The following SCHIP1 variants were observed in gnomAD, a reference collection of about 807,000 sequenced individuals.
The protein encoded by SCHIP1 is schwannomin interacting protein 1, also known as schwannomin-interacting protein 1.
SCHIP1 carries 8 observed loss-of-function variants against 29.7 expected under a neutral mutation model. That is an observed-to-expected ratio of 0.27 (90% CI 0.16 to 0.49). The LOEUF (loss-of-function observed/expected upper bound fraction) is 0.49. SCHIP1 is among the 20% of genes least tolerant of loss of function. The pLI, the probability that SCHIP1 is intolerant of heterozygous loss-of-function variation, is 0.99. For missense variants in SCHIP1, 193 were observed against 294.6 expected, an observed-to-expected ratio of 0.66 and a Z score of 2.52; for synonymous variants, 76 against 94.9, an observed-to-expected ratio of 0.80 and a Z score of 1.16.
At chr3:159,612,312 G>A in the SCHIP1 span, among the ~76,000 whole-genome samples, 2 of 152,068 alleles carry the variant, frequency 1.3e-5, no homozygotes, top group African/African-American at 4.8e-5. Context: ...AATGGTAAGG[G>A]AAAAATATTA....
the SCHIP1 span, among the ~76,000 whole-genome samples, chr3:159,455,080 G>C: frequency 6.6e-6 from 1 of 152,184 alleles, no homozygotes. Flanking sequence ...GGAAAAAAGA[G>C]AGAGAAAATG....
the SCHIP1 span, among the ~76,000 whole-genome samples, chr3:159,669,963 A>C: frequency 0.047 from 7,119 of 152,288 alleles, 339 homozygotes; most frequent in African/African-American, 0.13. Context: ...GTCTATTGTA[A>C]GCAACAAGCT....
chr3:159,827,904 C>T, the SCHIP1 span, among the ~76,000 whole-genome samples: 2 of 151,484 alleles, frequency 1.3e-5, no homozygotes, highest in East Asian at 1.9e-4. Flanking sequence ...ATAATGAACT[C>T]ATGATCTAGT....
At chr3:159,560,907 T>C in the SCHIP1 span, among the ~76,000 whole-genome samples, 1 of 152,220 alleles carries the variant, frequency 6.6e-6, no homozygotes, top group African/African-American at 2.4e-5. Flanking sequence ...TCTTGTAACA[T>C]TCCATCAGCT....
chr3:159,859,065 C>T (rs970025902), intron 1 of SCHIP1, among the ~76,000 whole-genome samples: 2 of 152,178 alleles, frequency 1.3e-5, no homozygotes, highest in Non-Finnish European at 2.9e-5. Context: ...TTGAAAGATA[C>T]TATTTTTTAA....
intron 1 of SCHIP1, among the ~76,000 whole-genome samples, chr3:159,855,673 T>TA (rs1231917949): frequency 4.0e-5 from 6 of 151,516 alleles, no homozygotes; most frequent in African/African-American, 9.7e-5. Flanking sequence ...ATTTTTTTTT[T>TA]ATCTCCTGTG....
At chr3:159,883,696 A>G (rs1049701631) in intron 2 of SCHIP1, among the ~76,000 whole-genome samples, 10 of 152,180 alleles carry the variant, frequency 6.6e-5, no homozygotes, top group Admixed American at 5.2e-4. Flanking sequence ...CCTGAGAGTA[A>G]CATTCTTGGT....
At chr3:159,354,159 A>C in the SCHIP1 span, among the ~76,000 whole-genome samples, 2 of 152,220 alleles carry the variant, frequency 1.3e-5, no homozygotes, top group Non-Finnish European at 2.9e-5. Flanking sequence ...ACTAAAAACA[A>C]ATCTGTTATT....
chr3:159,508,668 T>G, the SCHIP1 span, among the ~76,000 whole-genome samples: 13 of 152,324 alleles, frequency 8.5e-5, no homozygotes, highest in Admixed American at 6.5e-4. Context: ...GTATGTTGTG[T>G]CTTTGTTTTT....
the SCHIP1 span, among the ~76,000 whole-genome samples, chr3:159,509,910 T>G: frequency 6.6e-6 from 1 of 152,184 alleles, no homozygotes; most frequent in Non-Finnish European, 1.5e-5. Context: ...ATTTTTTCCT[T>G]CATTTCAACT....
chr3:159,839,824 A>G (rs1577406341), upstream of SCHIP1: 2 of 1,199,242 alleles, frequency 1.7e-6, no homozygotes, highest in Non-Finnish European at 2.1e-6. Context: ...CTGCCTTCAT[A>G]AAGCACCAGA....
the SCHIP1 span, among the ~76,000 whole-genome samples, chr3:159,397,408 A>T: frequency 6.6e-6 from 1 of 151,928 alleles, no homozygotes; most frequent in Non-Finnish European, 1.5e-5. Context: ...TGCTTTTTAG[A>T]GTTTCCAGTC....
At chr3:159,605,523 T>A in the SCHIP1 span, among the ~76,000 whole-genome samples, 3 of 152,104 alleles carry the variant, frequency 2.0e-5, no homozygotes, top group Non-Finnish European at 2.9e-5. Context: ...GTTAAGGGAC[T>A]TAGGCAAGGT....
chr3:159,415,676 C>T, the SCHIP1 span, among the ~76,000 whole-genome samples: 1 of 152,090 alleles, frequency 6.6e-6, no homozygotes, highest in Non-Finnish European at 1.5e-5. Flanking sequence ...ACCACATTTT[C>T]TTTACTCAAT....
chr3:159,360,146 C>A, the SCHIP1 span, among the ~76,000 whole-genome samples: 1 of 152,192 alleles, frequency 6.6e-6, no homozygotes, highest in Non-Finnish European at 1.5e-5. Context: ...ATGCAAACAT[C>A]ATAAGGAGCC....
chr3:159,598,651 C>G, the SCHIP1 span, among the ~76,000 whole-genome samples: 1 of 152,128 alleles, frequency 6.6e-6, no homozygotes, highest in Non-Finnish European at 1.5e-5. Context: ...GTGTTGAGTG[C>G]CTGCAGCTCT....
the SCHIP1 span, among the ~76,000 whole-genome samples, chr3:159,660,169 G>A: frequency 6.6e-6 from 1 of 152,166 alleles, no homozygotes; most frequent in Non-Finnish European, 1.5e-5. Flanking sequence ...GCAGGAAAGA[G>A]TGCTGGGGGC....
the SCHIP1 span, among the ~76,000 whole-genome samples, chr3:159,446,246 A>ATT: frequency 6.6e-6 from 1 of 152,094 alleles, no homozygotes; most frequent in Non-Finnish European, 1.5e-5. Context: ...ACATATGCCC[A>ATT]CTAATATTGT....
chr3:159,495,299 A>G, the SCHIP1 span, among the ~76,000 whole-genome samples: 1 of 152,214 alleles, frequency 6.6e-6, no homozygotes, highest in Non-Finnish European at 1.5e-5. Context: ...TTCAATTAGG[A>G]AAAGAGGAAG....
Sources: allele counts gnomAD v4.1 joint callset (sites outside exome capture counted in the v4.1 genomes callset), GRCh38; gene constraint gnomAD v4.1.1; transcripts MANE v1.5; gene names NCBI Gene and HGNC (gene_info 2026-07-23, HGNC 2026-07-21).